The following TNFRSF9 variants were observed in gnomAD, a reference collection of about 807,000 sequenced individuals.
TNFRSF9 encodes tumor necrosis factor receptor superfamily member 9.
In TNFRSF9, 16 loss-of-function variants were observed where a neutral mutation model predicts 28.8. That is an observed-to-expected ratio of 0.55 (90% CI 0.38 to 0.84). The LOEUF (loss-of-function observed/expected upper bound fraction) is 0.84. Ranked by LOEUF, TNFRSF9 falls within the 40% of genes least tolerant of loss-of-function variation. The pLI, the probability that TNFRSF9 is intolerant of heterozygous loss-of-function variation, is 0.00. For synonymous variants in TNFRSF9, 131 were observed against 117.0 expected, an observed-to-expected ratio of 1.12 and a Z score of -0.77; for missense variants, 303 against 315.0, an observed-to-expected ratio of 0.96 and a Z score of 0.29.
At chr1:7,931,805 T>C (rs1202067732) in intron 7 of TNFRSF9, among the ~76,000 whole-genome samples, 1 of 152,258 alleles carries the variant, frequency 6.6e-6, no homozygotes, top group Non-Finnish European at 1.5e-5. Flanking sequence ...AAGTTCTATA[T>C]TGCTTTAAAA....
rs148398132 is a variant in TNFRSF9, at chr1:7,939,925, A to G, written c.70T>C (p.Leu24=). The change falls in exon 2 of 8, where the codon TTG becomes CTG. Residue 24 remains leucine, a synonymous_variant. Coordinates refer to ENST00000377507, the MANE Select transcript of TNFRSF9 (RefSeq NM_001561.6). The part of the protein sequence containing the change: ...LVLNFERTRS[L]QDPCSNCPAG... ...GGGCAGTTACTACAAGGATCCTGCA[A>G]TGATCTTGTCCTCTCAAAGTTGAGG... The G allele has an allele frequency of 8.5e-5, 137 of 1,605,244 alleles. No individual in the cohort carries two copies. Among genetic ancestry groups the G allele is most frequent in the Non-Finnish European group, 1.2e-4 (135 of 1,172,794 alleles).
chr1:7,916,726 G>T lies in TNFRSF9; in HGVS notation c.*4109C>A. 6.6e-6 allele frequency: 1 copy of T among 152,136 alleles called. No individual in the cohort carries two copies. Among genetic ancestry groups the T allele is most frequent in the Non-Finnish European group, 1.5e-5 (1 of 68,026 alleles). The allele number at this position is 152,136 out of a possible 1,614,324, so 9.4% of individuals were successfully genotyped here. Reference sequence around the variant, plus strand: ...GGCACCAGTATACTTCCTAAGCTTTGCTTTGCCTACTATTTGGCAAGAATT... The same window carrying T: ...GGCACCAGTATACTTCCTAAGCTTTTCTTTGCCTACTATTTGGCAAGAATT... On this transcript the variant is annotated 3_prime_UTR_variant, in exon 8 of 8. Transcript: ENST00000377507.
Position 7,939,955 on chromosome 1 carries a change from G to A in TNFRSF9, c.40C>T (p.Leu14=). Residue 14 remains leucine (L), a synonymous_variant, in exon 2 of 8, where the codon CTG becomes TTG. Coordinates refer to ENST00000377507, the MANE Select transcript of TNFRSF9 (RefSeq NM_001561.6). ...CTTGTCCTCTCAAAGTTGAGGACCA[G>A]CAACAGAGTGGCTACTATGTTGTAA... ...SCYNIVATLL[L]VLNFERTRSL... is the part of the protein sequence containing the mutation. 1.2e-6 allele frequency: 2 copies of A among 1,605,416 alleles called. No individual in the cohort carries two copies.
intron 7 of TNFRSF9, among the ~76,000 whole-genome samples, chr1:7,925,741 G>A (rs764004258): frequency 5.3e-5 from 8 of 152,078 alleles, no homozygotes; most frequent in Admixed American, 2.0e-4. Context: ...GTGCAACCTC[G>A]ATCCCTCGTA....
chr1:7,926,552 G>A (rs891185355), intron 7 of TNFRSF9, among the ~76,000 whole-genome samples: 6 of 152,106 alleles, frequency 3.9e-5, no homozygotes, highest in African/African-American at 1.2e-4. Context: ...AATCCCAGCC[G>A]GCTTTTTGTA....
At chr1:7,921,614 G>A (rs1578069141) in intron 7 of TNFRSF9, among the ~76,000 whole-genome samples, 1 of 150,000 alleles carries the variant, frequency 6.7e-6, no homozygotes, top group East Asian at 2.0e-4. Flanking sequence ...GTTGCAGTGA[G>A]CTGAGATTGC....
At chr1:7,922,450 T>A (rs1337427120) in intron 7 of TNFRSF9, among the ~76,000 whole-genome samples, 1 of 152,120 alleles carries the variant, frequency 6.6e-6, no homozygotes, top group Non-Finnish European at 1.5e-5. Flanking sequence ...TCTGCCTCAT[T>A]TCCCTCTGAC....
chr1:7,937,868 G>T, intron 4 of TNFRSF9, 112 bp from the exon 5 acceptor site: 1 of 927,982 alleles, frequency 1.1e-6, no homozygotes, highest in African/African-American at 1.7e-5. Flanking sequence ...TGCACAAATT[G>T]TTCAATAATT....
intron 6 of TNFRSF9, among the ~76,000 whole-genome samples, 196 bp downstream of exon 6, chr1:7,934,817 C>T (rs1416744556): frequency 1.3e-5 from 2 of 152,218 alleles, no homozygotes; most frequent in African/African-American, 2.4e-5. Context: ...TGTCCTCTGG[C>T]ACCGCTTACA....
chr1:7,934,983 C>G, intron 6 of TNFRSF9, 30 bp downstream of exon 6: 1 of 1,611,802 alleles, frequency 6.2e-7, no homozygotes, highest in Non-Finnish European at 8.5e-7. Flanking sequence ...ATAAGATACG[C>G]ACTTTGGCGT....
chr1:7,927,637 A>C, intron 7 of TNFRSF9, among the ~76,000 whole-genome samples: 1 of 152,048 alleles, frequency 6.6e-6, no homozygotes, highest in East Asian at 1.9e-4. Flanking sequence ...ACTGCACTCC[A>C]GCCTGGGTGA....
intron 2 of TNFRSF9, among the ~76,000 whole-genome samples, chr1:7,939,485 C>T (rs574370720): frequency 2.0e-5 from 3 of 152,204 alleles, no homozygotes; most frequent in East Asian, 3.9e-4. Context: ...CATCAATGTC[C>T]TACACTAAAA....
At chr1:7,927,346 A>T (rs904860481) in intron 7 of TNFRSF9, among the ~76,000 whole-genome samples, 18 of 152,214 alleles carry the variant, frequency 1.2e-4, no homozygotes, top group Non-Finnish European at 2.9e-5. Flanking sequence ...ATTACCCGAC[A>T]ATCATCCCCG....
At position 7,937,682 on chromosome 1, in the gene TNFRSF9, A is replaced by G. The variant is rs780100518; in HGVS notation, c.413+8T>C. On this transcript the variant is annotated splice_region_variant and intron_variant, in intron 5 of 7. Transcript: ENST00000377507. ...TTTATTCCATAAACTAAAGGAAATT[A>G]TACGTACTTTGTCCAGGGTCGACAG... is the stretch of plus-strand genomic sequence containing the variant. The G allele has an allele frequency of 3.1e-6, 5 of 1,611,328 alleles. No individual in the cohort carries two copies. In the East Asian group the frequency reaches 6.7e-5, roughly 22 times the overall value.
chr1:7,930,989 A>G (rs1162713757), intron 7 of TNFRSF9, among the ~76,000 whole-genome samples: 1 of 152,184 alleles, frequency 6.6e-6, no homozygotes, highest in Non-Finnish European at 1.5e-5. Context: ...GCCCTTCACT[A>G]AAGAGGAAAT....
At position 7,918,135 on chromosome 1, in the gene TNFRSF9, C is replaced by A. The variant is rs1300382883; in HGVS notation, c.*2700G>T. On this transcript the variant is annotated 3_prime_UTR_variant, in exon 8 of 8. Transcript: ENST00000377507. ...AGCAGCTGGGGTTACAGGCACCCGC[C>A]ACCATACCCAGCTAAGTTTTGTACA... is the stretch of plus-strand genomic sequence containing the variant. 2 of 151,868 alleles carry A rather than the reference C, an allele frequency of 1.3e-5. No homozygotes were observed. Among genetic ancestry groups the A allele is most frequent in the East Asian group, 3.9e-4 (2 of 5,164 alleles). 9.4% of individuals were successfully genotyped at this position (151,868 alleles called of 1,614,324 possible).
chr1:7,930,967 A>T (rs889399514), intron 7 of TNFRSF9, among the ~76,000 whole-genome samples: 2 of 152,224 alleles, frequency 1.3e-5, no homozygotes, highest in African/African-American at 4.8e-5. Flanking sequence ...AATACTCAAA[A>T]GACTTGATCA....
At chr1:7,935,906 T>A (rs1242830611) in intron 5 of TNFRSF9, among the ~76,000 whole-genome samples, 1 of 152,000 alleles carries the variant, frequency 6.6e-6, no homozygotes, top group Non-Finnish European at 1.5e-5. Context: ...CGAGTGAGAG[T>A]CAGTGACACA....
rs1639530814 is a variant in TNFRSF9, at chr1:7,919,794, T to C, written c.*1041A>G. 1 of 152,298 alleles carries C rather than the reference T, an allele frequency of 6.6e-6. No homozygotes were observed. The highest frequency in any genetic ancestry group is 1.5e-5 in the Non-Finnish European group (1 of 68,094). 9.4% of individuals were successfully genotyped at this position (152,298 alleles called of 1,614,324 possible). ...TTTGGCGGCCCCCACTCTAGTGCTG[T>C]GGTAGGACAATGAGCTCACAGGTGT... On this transcript the variant is annotated 3_prime_UTR_variant, in exon 8 of 8. Transcript: ENST00000377507.
Sources: gnomAD v4.1 joint callset for allele counts (sites outside exome capture counted in the v4.1 genomes callset) on GRCh38, gnomAD v4.1.1 for gene constraint, MANE v1.5 for transcripts, NCBI Gene and HGNC (gene_info 2026-07-23, HGNC 2026-07-21) for gene names.